The following OPA3 variants were observed in gnomAD, a reference collection of about 807,000 sequenced individuals.
OPA3 encodes the protein outer mitochondrial membrane lipid metabolism regulator OPA3.
A neutral mutation model predicts 4.0 loss-of-function variants in OPA3; 6 were observed. The ratio of observed to expected loss-of-function variants is 1.51; its 90% CI spans 0.83 to 2.99. The LOEUF (loss-of-function observed/expected upper bound fraction) is 2.99. Ranked by LOEUF, OPA3 falls within the 30% of genes most tolerant of loss-of-function variation. The pLI is 0.00. For missense variants in OPA3, 235 were observed against 256.2 expected, an observed-to-expected ratio of 0.92 and a Z score of 0.56; for synonymous variants, 105 against 117.1, an observed-to-expected ratio of 0.90 and a Z score of 0.67.
rs915367938 is a variant in OPA3, at chr19:45,550,965, G to A, written c.*2549C>T. The stretch of plus-strand genomic sequence containing the variant: ...CCCGCGGGGTTGGCAGGAGTCCCAG[G>A]GTACTTTTTTTCTGAGAAAGGGTCT... On this transcript the variant is annotated 3_prime_UTR_variant, in exon 2 of 2. Coordinates refer to ENST00000263275, the MANE Select transcript of OPA3 (RefSeq NM_025136.4). 6 of 985,322 alleles carry A rather than the reference G, an allele frequency of 6.1e-6. No individual in the cohort carries two copies. The African/African-American group carries it at 1.0e-4, about 17-fold the overall frequency. 61.0% of individuals were successfully genotyped at this position (985,322 alleles called of 1,614,324 possible).
At chr19:45,575,403 G>A (rs1488187997) in intron 1 of OPA3, among the ~76,000 whole-genome samples, 3 of 151,936 alleles carry the variant, frequency 2.0e-5, no homozygotes, top group Admixed American at 6.6e-5. Flanking sequence ...GAGTTACTAC[G>A]GTAAGCCACC....
chr19:45,552,379 T>G lies in OPA3; in HGVS notation c.*1135A>C, dbSNP rs886554151. 1 of 172,230 alleles carries G rather than the reference T, an allele frequency of 5.8e-6. No individual in the cohort carries two copies. Among genetic ancestry groups the G allele is most frequent in the Non-Finnish European group, 1.2e-5 (1 of 86,842 alleles). 10.7% of individuals were successfully genotyped at this position (172,230 alleles called of 1,614,324 possible). A position where few individuals can be genotyped will look rare whatever the true frequency, so the allele number is the denominator to read the frequency against. ...CATGCCACCATGCCCAGCTAATTTATGTATTTTTAGTAGAGACGGGGTTTC... is the reference window on the plus strand; with the variant it reads ...CATGCCACCATGCCCAGCTAATTTAGGTATTTTTAGTAGAGACGGGGTTTC... On this transcript the variant is annotated 3_prime_UTR_variant, in exon 2 of 2. Transcript: ENST00000263275.
At chr19:45,560,575 C>T (rs1969488141) in intron 1 of OPA3, among the ~76,000 whole-genome samples, 1 of 152,156 alleles carries the variant, frequency 6.6e-6, no homozygotes, top group South Asian at 2.1e-4. Context: ...ATTGCCCCTC[C>T]TCCTGGATTT....
Position 45,546,559 on chromosome 19 carries a change from G to T in OPA3, c.*6955C>A. On this transcript the variant is annotated 3_prime_UTR_variant, in exon 2 of 2. Coordinates refer to ENST00000263275, the MANE Select transcript of OPA3 (RefSeq NM_025136.4). The stretch of plus-strand genomic sequence containing the variant: ...CTCCCAGGTTGAGGTGCTGTGGCCT[G>T]ATCTCAGTTCACTGCAGCCTTAAAC... 2 of 275,112 alleles carry T rather than the reference G, an allele frequency of 7.3e-6. No homozygotes were observed. The highest frequency in any genetic ancestry group is 1.1e-5 in the Non-Finnish European group (2 of 182,208). The allele number at this position is 275,112 out of a possible 1,614,324, so 17.0% of individuals were successfully genotyped here. A position where few individuals can be genotyped will look rare whatever the true frequency, so the allele number is the denominator to read the frequency against.
At chr19:45,544,657 G>C (rs556854612), downstream of OPA3, among the ~76,000 whole-genome samples, 1 of 152,290 alleles carries the variant, frequency 6.6e-6, no homozygotes, top group African/African-American at 2.4e-5. Flanking sequence ...AGCCGGGCGT[G>C]GTGGCACACA....
chr19:45,584,568 C>G, intron 1 of OPA3, 55 bp downstream of exon 1: 1 of 1,613,662 alleles, frequency 6.2e-7, no homozygotes, highest in South Asian at 1.1e-5. Flanking sequence ...TAAGCAACCA[C>G]CTGACAGGGG....
intron 1 of OPA3, among the ~76,000 whole-genome samples, chr19:45,565,735 C>T (rs925279126): frequency 2.0e-5 from 3 of 152,042 alleles, no homozygotes; most frequent in Non-Finnish European, 4.4e-5. Context: ...ATCCACCTGC[C>T]TCAGCCTCCC....
At chr19:45,581,663 G>A (rs996597524) in intron 1 of OPA3, among the ~76,000 whole-genome samples, 6 of 152,232 alleles carry the variant, frequency 3.9e-5, no homozygotes, top group Non-Finnish European at 8.8e-5. Flanking sequence ...AATAATGAAT[G>A]GATGGAGGGA....
exon 2 of OPA3, chr19:45,529,436 G>T (rs755659368): frequency 1.2e-6 from 2 of 1,614,168 alleles, no homozygotes; most frequent in Admixed American, 3.3e-5. Context: ...ATTTTGGTCC[G>T]CATCTCCAGC....
intron 1 of OPA3, among the ~76,000 whole-genome samples, chr19:45,575,722 G>C (rs1417015375): frequency 6.6e-6 from 1 of 152,114 alleles, no homozygotes. Context: ...TCCTGCCGCA[G>C]CCTCCTGAGT....
chr19:45,549,539 GGC>G lies in OPA3; in HGVS notation c.*3973_*3974del. 1.0e-6 allele frequency: 1 copy of G among 960,942 alleles called. No individual in the cohort carries two copies. The highest frequency in any genetic ancestry group is 1.2e-6 in the Non-Finnish European group (1 of 807,870). The allele number at this position is 960,942 out of a possible 1,614,324, so 59.5% of individuals were successfully genotyped here. Reference sequence around the variant, plus strand: ...TCTGTCACCCAGGCTGGAGTGCAGTGGCGCGATCTCAGCTCACTGCAACCTCC... The same window carrying G: ...TCTGTCACCCAGGCTGGAGTGCAGTGGCGATCTCAGCTCACTGCAACCTCC... On this transcript the variant is annotated 3_prime_UTR_variant, in exon 2 of 2. Coordinates refer to ENST00000263275, the MANE Select transcript of OPA3 (RefSeq NM_025136.4).
chr19:45,528,817 G>A (rs991217178), exon 2 of OPA3: 2 of 517,414 alleles, frequency 3.9e-6, no homozygotes, highest in African/African-American at 2.0e-5. Flanking sequence ...GTGGGATAGG[G>A]CGGGGTCCTT....
chr19:45,581,121 C>T (rs529916115), intron 1 of OPA3, among the ~76,000 whole-genome samples: 1 of 152,074 alleles, frequency 6.6e-6, no homozygotes, highest in African/African-American at 2.4e-5. Context: ...TTCCTCTTTC[C>T]GGACATGGGG....
At position 45,546,496 on chromosome 19, in the gene OPA3, C is replaced by G. The variant is rs557041940; in HGVS notation, c.*7018G>C. On this transcript the variant is annotated 3_prime_UTR_variant, in exon 2 of 2. Coordinates refer to ENST00000263275, the MANE Select transcript of OPA3 (RefSeq NM_025136.4). ...ATGCACACGATGGATTACATAAACT[C>G]TGCTTTTTTTTTTTTTTGAGACAGG... 61 of 593,514 alleles carry G rather than the reference C, an allele frequency of 1.0e-4. No homozygotes were observed. In the South Asian group the frequency reaches 3.7e-3, roughly 36 times the overall value. 36.8% of individuals were successfully genotyped at this position (593,514 alleles called of 1,614,324 possible). A position where few individuals can be genotyped will look rare whatever the true frequency, so the allele number is the denominator to read the frequency against.
In OPA3 at chr19:45,553,138, C is replaced by T. The variant is rs908165521; in HGVS notation, c.*376G>A. On this transcript the variant is annotated 3_prime_UTR_variant, in exon 2 of 2. Transcript: ENST00000263275. ...GTTCCAGTGTAACAGATGAGTGTCCCAGTAAAGGTTAACACTGATCAGGTA... is the reference window on the plus strand; with the variant it reads ...GTTCCAGTGTAACAGATGAGTGTCCTAGTAAAGGTTAACACTGATCAGGTA... 14 of 1,200,792 alleles carry T rather than the reference C, an allele frequency of 1.2e-5. No homozygotes were observed. Among genetic ancestry groups the T allele is most frequent in the Non-Finnish European group, 1.5e-5 (14 of 958,336 alleles). 74.4% of individuals were successfully genotyped at this position (1,200,792 alleles called of 1,614,324 possible). A position where few individuals can be genotyped will look rare whatever the true frequency, so the allele number is the denominator to read the frequency against.
At chr19:45,571,746 C>T (rs1466588981) in intron 1 of OPA3, among the ~76,000 whole-genome samples, 1 of 152,136 alleles carries the variant, frequency 6.6e-6, no homozygotes, top group Non-Finnish European at 1.5e-5. Flanking sequence ...CACTCCTGGG[C>T]ATCTACTGGA....
chr19:45,544,420 G>A (rs1447356400), downstream of OPA3, among the ~76,000 whole-genome samples: 1 of 152,222 alleles, frequency 6.6e-6, no homozygotes, highest in East Asian at 1.9e-4. Context: ...AGCACTTTGG[G>A]ACGGCAAGGC....
Position 45,550,468 on chromosome 19 carries a change from GTAGAGA to G in OPA3, c.*3040_*3045del, listed in dbSNP as rs936106247. ...CCTCTGGGATGGTCTGGGCCTCTGT[GTAGAGA>G]TCGTCACCCTCCCAGCCTCTGCTCA... On this transcript the variant is annotated 3_prime_UTR_variant, in exon 2 of 2. Transcript: ENST00000263275. 7 of 986,142 alleles carry G rather than the reference GTAGAGA, an allele frequency of 7.1e-6. No individual in the cohort carries two copies. The African/African-American group carries it at 1.2e-4, about 17-fold the overall frequency. 61.1% of individuals were successfully genotyped at this position (986,142 alleles called of 1,614,324 possible). A position where few individuals can be genotyped will look rare whatever the true frequency, so the allele number is the denominator to read the frequency against.
rs1382085104 is a variant in OPA3, at chr19:45,549,247, T to C, written c.*4267A>G. 2.0e-6 allele frequency: 2 copies of C among 985,302 alleles called. No homozygotes were observed. The highest frequency in any genetic ancestry group is 1.2e-6 in the Non-Finnish European group (1 of 829,944). The allele number at this position is 985,302 out of a possible 1,614,324, so 61.0% of individuals were successfully genotyped here. The stretch of plus-strand genomic sequence containing the variant: ...AGAACACACGAGCAGTGAACCATCC[T>C]CTGGCCTCTTGCATTTTGAGAGGAC... On this transcript the variant is annotated 3_prime_UTR_variant, in exon 2 of 2. Transcript: ENST00000263275.
Sources: allele counts gnomAD v4.1 joint callset (sites outside exome capture counted in the v4.1 genomes callset), GRCh38; gene constraint gnomAD v4.1.1; transcripts MANE v1.5; gene names NCBI Gene and HGNC (gene_info 2026-07-23, HGNC 2026-07-21).